SGCZ: variants seen among roughly 807,000 people sequenced by gnomAD.
The protein encoded by SGCZ is zeta-sarcoglycan.
A neutral mutation model predicts 41.3 loss-of-function variants in SGCZ; 40 were observed. The observed-to-expected ratio is 0.97, with a 90% CI of 0.75 to 1.26. The LOEUF (loss-of-function observed/expected upper bound fraction) is 1.26. Among genes scored for constraint, SGCZ ranks in the 50% most tolerant of loss-of-function variants. The pLI, the probability that SGCZ is intolerant of heterozygous loss-of-function variation, is 0.00. For missense variants in SGCZ, 552 were observed against 369.8 expected (o/e 1.49, Z -4.04); for synonymous variants, 206 against 137.5 (o/e 1.50, Z -3.49).
rs370282934 is a variant in SGCZ, at chr8:14,535,381, A to T, written c.234+19351T>A. On this transcript the variant is annotated intron_variant, in intron 2 of 7. Transcript: ENST00000382080. ...GACTAAAAATGCATCTAAGAATAAC[A>T]TTAGTAAAGTAAATGCAATGGGCCA... 1.6e-4 allele frequency among the ~76,000 whole-genome samples: 25 copies of T among 152,046 alleles called. No individual in the cohort carries two copies. In the East Asian group the frequency reaches 4.9e-3, roughly 30 times the overall value.
intron 1 of SGCZ, among the ~76,000 whole-genome samples, chr8:15,081,895 C>T (rs898655668): frequency 1.5e-4 from 23 of 152,016 alleles, no homozygotes; most frequent in African/African-American, 4.6e-4. Flanking sequence ...CAAAGTTGAA[C>T]GAGGAAAAAA....
intron 2 of SGCZ, among the ~76,000 whole-genome samples, chr8:14,405,430 T>A (rs1394523435): frequency 6.6e-6 from 1 of 152,226 alleles, no homozygotes; most frequent in Non-Finnish European, 1.5e-5. Context: ...AGATTATTTT[T>A]TTACTTCTGA....
chr8:15,190,107 G>C (rs927394388), intron 1 of SGCZ, among the ~76,000 whole-genome samples: 2 of 152,110 alleles, frequency 1.3e-5, no homozygotes, highest in African/African-American at 4.8e-5. Flanking sequence ...CAAACCCATG[G>C]TTTGATGTCT....
At chr8:15,083,690 A>G (rs1049512185) in intron 1 of SGCZ, among the ~76,000 whole-genome samples, 12 of 152,244 alleles carry the variant, frequency 7.9e-5, no homozygotes, top group Non-Finnish European at 1.3e-4. Context: ...CTGAGGCCAC[A>G]GGCATGTGCT....
At chr8:14,965,822 TATATC>T (rs1395000026) in intron 1 of SGCZ, among the ~76,000 whole-genome samples, 2 of 152,116 alleles carry the variant, frequency 1.3e-5, no homozygotes, top group African/African-American at 4.8e-5. Context: ...TCTTTCAAGA[TATATC>T]ATAAACTACA....
At chr8:14,936,614 A>G (rs1800093079) in intron 1 of SGCZ, among the ~76,000 whole-genome samples, 1 of 151,896 alleles carries the variant, frequency 6.6e-6, no homozygotes. Flanking sequence ...AAAACTTTGA[A>G]CCCAGTCATT....
chr8:14,219,327 A>G (rs1435729965), intron 4 of SGCZ, among the ~76,000 whole-genome samples: 1 of 152,140 alleles, frequency 6.6e-6, no homozygotes, highest in Non-Finnish European at 1.5e-5. Flanking sequence ...TACATCTGAG[A>G]AGTATGCTCA....
Position 14,861,114 on chromosome 8 carries a change from C to T in SGCZ, c.40-306188G>A, listed in dbSNP as rs150335399. Among the ~76,000 whole-genome samples, 472 of 152,260 alleles carry T rather than the reference C, an allele frequency of 3.1e-3. 2 individuals are homozygous for T. The highest frequency in any genetic ancestry group is 0.01 in the African/African-American group (417 of 41,564). On this transcript the variant is annotated intron_variant, in intron 1 of 7. Coordinates refer to ENST00000382080, the MANE Select transcript of SGCZ (RefSeq NM_139167.4). ...AGATGCGTACGAGGTGAATGTGTTA[C>T]GTCTGTGACTAAGACACTACACTTT...
At chr8:15,237,256 C>CCG (rs1554483266) in intron 1 of SGCZ, among the ~76,000 whole-genome samples, 20 of 151,986 alleles carry the variant, frequency 1.3e-4, no homozygotes, top group Non-Finnish European at 2.5e-4. Context: ...GCCGCTGCCC[C>CCG]CCCCGGGGAG....
intron 1 of SGCZ, among the ~76,000 whole-genome samples, chr8:14,784,103 T>C (rs552820959): frequency 1.1e-4 from 17 of 151,384 alleles, no homozygotes; most frequent in African/African-American, 4.1e-4. Flanking sequence ...CAGGCCAGAG[T>C]GTAGTTGTAC....
chr8:15,081,849 T>A (rs1473555047), intron 1 of SGCZ, among the ~76,000 whole-genome samples: 1 of 152,160 alleles, frequency 6.6e-6, no homozygotes, highest in Non-Finnish European at 1.5e-5. Flanking sequence ...GAACAGATCA[T>A]TGTAAGGAAT....
chr8:14,209,237 C>G (rs187784553), intron 4 of SGCZ, among the ~76,000 whole-genome samples: 4 of 152,322 alleles, frequency 2.6e-5, no homozygotes, highest in Admixed American at 2.6e-4. Context: ...ATCAGACACA[C>G]AGCCTCTTCA....
intron 2 of SGCZ, among the ~76,000 whole-genome samples, chr8:14,428,117 C>T (rs200657435): frequency 0.62 from 71,724 of 116,360 alleles, 18,639 homozygotes; most frequent in Non-Finnish European, 0.68. Context: ...CACACACACA[C>T]ACACACACAC....
intron 1 of SGCZ, among the ~76,000 whole-genome samples, chr8:14,793,422 G>GA (rs1801022240): frequency 2.0e-5 from 3 of 152,016 alleles, no homozygotes; most frequent in Admixed American, 2.0e-4. Context: ...CTTTCTTTCA[G>GA]AAAAACGCAA....
At chr8:14,850,317 T>C (rs1479123938) in intron 1 of SGCZ, among the ~76,000 whole-genome samples, 2 of 152,178 alleles carry the variant, frequency 1.3e-5, no homozygotes, top group African/African-American at 4.8e-5. Context: ...GTCATGGTTG[T>C]CAAGGAGTCT....
intron 1 of SGCZ, among the ~76,000 whole-genome samples, chr8:14,610,160 T>C (rs556962593): frequency 6.6e-6 from 1 of 152,142 alleles, no homozygotes; most frequent in Non-Finnish European, 1.5e-5. Context: ...GGGAGTAAAT[T>C]TGCAGGATGG....
At chr8:14,371,314 C>A (rs188020265) in intron 2 of SGCZ, among the ~76,000 whole-genome samples, 117 of 152,070 alleles carry the variant, frequency 7.7e-4, no homozygotes, top group South Asian at 2.7e-3. Context: ...ATTAAAAAAT[C>A]TTTGTGTATG....
In SGCZ at chr8:14,197,542, A is replaced by G. The variant is rs1304491060; in HGVS notation, c.425-32840T>C. Among the ~76,000 whole-genome samples, 4 of 152,196 alleles carry G rather than the reference A, an allele frequency of 2.6e-5. No homozygotes were observed. The East Asian group carries it at 7.7e-4, about 29-fold the overall frequency. On this transcript the variant is annotated intron_variant, in intron 4 of 7. Coordinates refer to ENST00000382080, the MANE Select transcript of SGCZ (RefSeq NM_139167.4). ...AATATAGTTCATTAAATTATGCCAG[A>G]TCAAATTAAAAAAAAACAAATAATT...
chr8:14,604,568 T>C (rs1236810605), intron 1 of SGCZ, among the ~76,000 whole-genome samples: 3 of 152,174 alleles, frequency 2.0e-5, no homozygotes, highest in Admixed American at 6.5e-5. Context: ...GTTTACTACA[T>C]GTTGCAATGA....
Sources: allele counts gnomAD v4.1 joint callset (sites outside exome capture counted in the v4.1 genomes callset), GRCh38; gene constraint gnomAD v4.1.1; transcripts MANE v1.5; gene names NCBI Gene and HGNC (gene_info 2026-07-23, HGNC 2026-07-21).